CTBP2: variants seen among roughly 807,000 people sequenced by gnomAD.
CTBP2 encodes C-terminal-binding protein 2.
CTBP2 carries 30 observed loss-of-function variants against 80.3 expected under a neutral mutation model. The observed-to-expected ratio is 0.37, with a 90% CI of 0.28 to 0.51. CTBP2 has a LOEUF of 0.51. Ranked by LOEUF, CTBP2 falls within the 20% of genes least tolerant of loss-of-function variation. The probability of loss-of-function intolerance (pLI) is 0.93; values close to 1 mark genes in which losing one functional copy is unlikely to be tolerated. For synonymous variants in CTBP2, 594 were observed against 587.4 expected, an observed-to-expected ratio of 1.01 and a Z score of -0.16; for missense variants, 1,212 against 1,375.3, an observed-to-expected ratio of 0.88 and a Z score of 1.88.
chr10:125,092,893 A>G (rs919505434), intron 2 of CTBP2, among the ~76,000 whole-genome samples: 29 of 152,134 alleles, frequency 1.9e-4, no homozygotes, highest in African/African-American at 6.8e-4. Context: ...CAGCGCCAGG[A>G]AAACAGCCCG....
At chr10:125,070,270 G>C (rs561472780) in intron 2 of CTBP2, among the ~76,000 whole-genome samples, 65 of 152,292 alleles carry the variant, frequency 4.3e-4, no homozygotes, top group African/African-American at 1.5e-3. Context: ...AGAATCCCTT[G>C]AACTGGGGAG....
chr10:125,100,588 T>C (rs767822777), intron 2 of CTBP2: 1 of 152,256 alleles, frequency 6.6e-6, no homozygotes, highest in African/African-American at 2.4e-5. Context: ...AACATTCTTA[T>C]GTGCTGAAAT....
intron 2 of CTBP2, among the ~76,000 whole-genome samples, chr10:125,047,767 C>T (rs1277869356): frequency 1.3e-5 from 2 of 152,076 alleles, no homozygotes; most frequent in African/African-American, 2.4e-5. Context: ...TTAAACATTG[C>T]TGTCTTAATA....
At chr10:125,158,441 A>AATATACCAGTCTCTAG (rs1861324373) in intron 1 of CTBP2, among the ~76,000 whole-genome samples, 2 of 152,238 alleles carry the variant, frequency 1.3e-5, no homozygotes, top group South Asian at 4.1e-4. Flanking sequence ...TGTCAGATAA[A>AATATACCAGTCTCTAG]AATATACCAG....
At chr10:124,994,035 ACT>A (rs1360866763) in intron 5 of CTBP2, 50 bp from the exon 8 acceptor site, 3 of 1,606,198 alleles carry the variant, frequency 1.9e-6, no homozygotes, top group South Asian at 1.1e-5. Context: ...ATGGTGGAAG[ACT>A]CTTGTACCAA....
rs909127466 is a variant in CTBP2 at position 125,075,569 on chromosome 10, GT to G, written c.-102+35420del. On this transcript the variant is annotated intron_variant, in intron 2 of 10. Transcript: ENST00000337195. Reference sequence around the variant, plus strand: ...TTCATTATAAATTACTCATTCTGTGGTATTCTGTTACAGCAGCACAAAATGG... The same window carrying G: ...TTCATTATAAATTACTCATTCTGTGGATTCTGTTACAGCAGCACAAAATGG... Among the ~76,000 whole-genome samples the G allele has an allele frequency of 5.0e-4, 76 of 152,164 alleles. 1 individual carries two copies. Among genetic ancestry groups the G allele is most frequent in the African/African-American group, 1.7e-3 (72 of 41,506 alleles).
Position 125,098,739 on chromosome 10 carries a change from AGAGAGAGAGAC to A in CTBP2, c.-102+12240_-102+12250del, listed in dbSNP as rs1850089341. On this transcript the variant is annotated intron_variant, in intron 2 of 10. Transcript: ENST00000337195. ...GAGAGAGAGACAGAGAGAGAGAGAGAGAGAGAGAGACAGAGAGAGAGAGAGAGAGAGAGAGA... is the reference window on the plus strand; with the variant it reads ...GAGAGAGAGACAGAGAGAGAGAGAGAAGAGAGAGAGAGAGAGAGAGAGAGA... Among the ~76,000 whole-genome samples, 10 of 126,668 alleles carry A rather than the reference AGAGAGAGAGAC, an allele frequency of 7.9e-5. No individual in the cohort carries two copies. The South Asian group carries it at 2.5e-3, about 31-fold the overall frequency. The allele number at this position is 126,668 out of a possible 152,430, so 83.1% of individuals were successfully genotyped here. A position where few individuals can be genotyped will look rare whatever the true frequency, so the allele number is the denominator to read the frequency against.
At chr10:125,045,524 TC>T (rs1961013609) in intron 2 of CTBP2, among the ~76,000 whole-genome samples, 1 of 151,934 alleles carries the variant, frequency 6.6e-6, no homozygotes, top group Admixed American at 6.5e-5. Context: ...ACCCTTTCTT[TC>T]TTTTTTGGAG....
chr10:124,997,885 T>C, intron 4 of CTBP2, 79 bp downstream of exon 6: 2 of 1,461,228 alleles, frequency 1.4e-6, no homozygotes, highest in East Asian at 4.6e-5. Context: ...CAGGCTGGGG[T>C]TGCCTTTCCC....
chr10:125,027,042 C>T lies in CTBP2; in HGVS notation c.718G>A (p.Ala240Thr). 6 of 1,613,528 alleles carry T rather than the reference C, an allele frequency of 3.7e-6. No homozygotes were observed. Among genetic ancestry groups the T allele is most frequent in the Non-Finnish European group, 5.1e-6 (6 of 1,179,768 alleles). ...ACCCCTGTGCTGCCTTCGGGGGCAG[C>T]AGCTGAACTGGGGTCCACAACCAGG... is the stretch of plus-strand genomic sequence containing the variant. Residue 240 changes from alanine to threonine, a missense_variant, in exon 1 of 9, where the codon GCT (alanine) becomes ACT (threonine). By Grantham distance (58) the Ala-to-Thr change is moderately conservative (BLOSUM62 0). This residue lies in a region of CTBP2 where 848 missense variants were observed against 782.3 expected (regional missense o/e 1.08). Transcript: ENST00000309035.
intron 2 of CTBP2, among the ~76,000 whole-genome samples, chr10:125,048,773 C>T (rs552653770): frequency 1.3e-4 from 20 of 152,176 alleles, no homozygotes; most frequent in South Asian, 8.3e-4. Context: ...TGGGGAGGGG[C>T]CGGCTGGGCT....
At chr10:124,995,232 C>T (rs773776359) in intron 4 of CTBP2, among the ~76,000 whole-genome samples, 12 of 152,324 alleles carry the variant, frequency 7.9e-5, no homozygotes, top group Non-Finnish European at 1.6e-4. Flanking sequence ...GTGTTCTGGG[C>T]GGGAGGCAGG....
chr10:125,040,588 C>G (rs1959404819), intron 2 of CTBP2, among the ~76,000 whole-genome samples: 2 of 118,656 alleles, frequency 1.7e-5, no homozygotes, highest in South Asian at 5.5e-4. Context: ...AAGACCACCA[C>G]CACAACCACA....
rs1295268779 is a variant in CTBP2, at chr10:124,986,285, G to GCACACACACACACACA, written c.*3232_*3233insTGTGTGTGTGTGTGTG. The GCACACACACACACACA allele has an allele frequency of 8.6e-5, 5 of 57,844 alleles. No homozygotes were observed. Among genetic ancestry groups the GCACACACACACACACA allele is most frequent in the African/African-American group, 2.8e-4 (5 of 17,922 alleles). The allele number at this position is 57,844 out of a possible 1,614,324, so 3.6% of individuals were successfully genotyped here. A position where few individuals can be genotyped will look rare whatever the true frequency, so the allele number is the denominator to read the frequency against. On this transcript the variant is annotated 3_prime_UTR_variant, in exon 9 of 9. Coordinates refer to ENST00000309035, the MANE Select transcript of CTBP2 (RefSeq NM_022802.3). ...TTGGAAAGACGACACACGCACGCGC[G>GCACACACACACACACA]CGCGCGCACACACACACACACACAC...
At chr10:125,155,156 G>T (rs1030099649) in intron 1 of CTBP2, among the ~76,000 whole-genome samples, 1 of 152,208 alleles carries the variant, frequency 6.6e-6, no homozygotes, top group African/African-American at 2.4e-5. Flanking sequence ...TTCCTTAGCA[G>T]TCCAGAAAAG....
intron 1 of CTBP2, among the ~76,000 whole-genome samples, chr10:125,121,923 G>A (rs775654477): frequency 8.5e-5 from 13 of 152,180 alleles, no homozygotes; most frequent in Non-Finnish European, 1.5e-4. Context: ...TGCAGGTGAC[G>A]CAGCCTCTTA....
intron 2 of CTBP2, among the ~76,000 whole-genome samples, chr10:125,061,417 C>G (rs1233874235): frequency 6.6e-6 from 1 of 152,150 alleles, no homozygotes; most frequent in Non-Finnish European, 1.5e-5. Flanking sequence ...CCCCTAGCTG[C>G]CCCAGGGGAA....
chr10:125,075,909 G>C (rs958174987), intron 2 of CTBP2, among the ~76,000 whole-genome samples: 1 of 152,128 alleles, frequency 6.6e-6, no homozygotes, highest in African/African-American at 2.4e-5. Flanking sequence ...TATCCCAATG[G>C]GCCAGCAATC....
chr10:124,992,094 T>C (rs1952720696), intron 8 of CTBP2, among the ~76,000 whole-genome samples: 1 of 152,144 alleles, frequency 6.6e-6, no homozygotes, highest in Non-Finnish European at 1.5e-5. Context: ...CTATCCTGAG[T>C]TGACTGTACC....
Sources: gnomAD v4.1 joint callset for allele counts (sites outside exome capture counted in the v4.1 genomes callset) on GRCh38, gnomAD v4.1.1 for gene constraint, gnomAD v4.1.1 regional missense constraint, MANE v1.5 for transcripts, NCBI Gene and HGNC (gene_info 2026-07-23, HGNC 2026-07-21) for gene names.